SASH1: variants seen among roughly 807,000 people sequenced by gnomAD.
SASH1 encodes the protein SAM and SH3 domain-containing protein 1.
In SASH1, 44 loss-of-function variants were observed where a neutral mutation model predicts 125.2. The observed-to-expected ratio is 0.35, with a 90% CI of 0.28 to 0.45. The LOEUF is 0.45. Ranked by LOEUF, SASH1 falls within the 20% of genes least tolerant of loss-of-function variation. The probability of loss-of-function intolerance (pLI) is 1.00; values close to 1 mark genes in which losing one functional copy is unlikely to be tolerated. For synonymous variants in SASH1, 639 were observed against 649.1 expected (o/e 0.98, Z 0.24); for missense variants, 1,426 against 1,614.5 (o/e 0.88, Z 2.00).
chr6:148,387,894 G>A (rs1273004475), intron 1 of SASH1, among the ~76,000 whole-genome samples: 1 of 137,442 alleles, frequency 7.3e-6, no homozygotes, highest in Admixed American at 7.7e-5. Flanking sequence ...GCCCACTAAT[G>A]CGCCCTGCTA....
At chr6:148,287,352 T>C (rs1352871056) in intron 1 of SASH1, among the ~76,000 whole-genome samples, 1 of 152,162 alleles carries the variant, frequency 6.6e-6, no homozygotes, top group Non-Finnish European at 1.5e-5. Context: ...TCTATCGGCA[T>C]GTTAACATTT....
At chr6:148,193,670 C>A in the SASH1 span, among the ~76,000 whole-genome samples, 3 of 152,136 alleles carry the variant, frequency 2.0e-5, no homozygotes, top group Non-Finnish European at 4.4e-5. Context: ...TCATGCTGGG[C>A]ATTTTCCTTG....
At chr6:148,283,670 AGG>A (rs897371249) in intron 1 of SASH1, among the ~76,000 whole-genome samples, 4 of 152,090 alleles carry the variant, frequency 2.6e-5, no homozygotes, top group African/African-American at 9.7e-5. Context: ...GCTATTTGGG[AGG>A]CTGAGGCAGG....
the SASH1 span, among the ~76,000 whole-genome samples, chr6:148,239,358 A>T: frequency 6.6e-6 from 1 of 152,162 alleles, no homozygotes; most frequent in African/African-American, 2.4e-5. Context: ...GTTTTTCTAG[A>T]GGGAGTGTTG....
chr6:148,537,370 C>T (rs1276278719), intron 16 of SASH1, among the ~76,000 whole-genome samples: 1 of 152,208 alleles, frequency 6.6e-6, no homozygotes, highest in South Asian at 2.1e-4. Context: ...CCCAGACCCA[C>T]TATCTTAGGT....
In SASH1 at chr6:148,532,749, G is replaced by A. The variant is rs541594366; in HGVS notation, c.1565-48G>A. On this transcript the variant is annotated intron_variant, in intron 13 of 19. Coordinates refer to ENST00000367467, the MANE Select transcript of SASH1 (RefSeq NM_015278.5). This position sits in a 1 kb window ranked among gnomAD's most constrained non-coding sequence, Gnocchi z 4.7. ...CCTTCAATACCTTTCTGCTTTGCTG[G>A]GTGGGAAATCTGGATCTACCCGTGT... 6.2e-7 allele frequency: 1 copy of A among 1,603,078 alleles called. No homozygotes were observed. Among genetic ancestry groups the A allele is most frequent in the Non-Finnish European group, 8.5e-7 (1 of 1,172,438 alleles).
intron 19 of SASH1, among the ~76,000 whole-genome samples, chr6:148,546,805 C>T (rs890554739): frequency 5.9e-5 from 9 of 152,016 alleles, no homozygotes; most frequent in Middle Eastern, 3.4e-3. Flanking sequence ...TCTGCACATG[C>T]GTAATGTATG....
chr6:148,302,588 G>A (rs1034782989), intron 1 of SASH1, among the ~76,000 whole-genome samples: 1 of 69,334 alleles, frequency 1.4e-5, no homozygotes, highest in East Asian at 4.0e-4. Context: ...CAGAAATTAT[G>A]CACACATACA....
intron 2 of SASH1, among the ~76,000 whole-genome samples, chr6:148,414,461 C>G (rs1236545351): frequency 6.6e-6 from 1 of 152,086 alleles, no homozygotes; most frequent in Non-Finnish European, 1.5e-5. Context: ...TCTCTCTGAG[C>G]TTCAGGTTCT....
intron 17 of SASH1, among the ~76,000 whole-genome samples, 183 bp from the exon 18 acceptor site, chr6:148,543,497 T>TA (rs1184605637): frequency 6.6e-6 from 1 of 152,168 alleles, no homozygotes; most frequent in Non-Finnish European, 1.5e-5. Flanking sequence ...TTTCTAAAAA[T>TA]AAAAATGGAA....
At chr6:148,302,009 C>T (rs187395401) in intron 1 of SASH1, among the ~76,000 whole-genome samples, 34 of 151,844 alleles carry the variant, frequency 2.2e-4, no homozygotes, top group Middle Eastern at 6.8e-3. Flanking sequence ...TCATCATTTA[C>T]AAGACCCTTA....
At chr6:148,260,096 A>G in the SASH1 span, among the ~76,000 whole-genome samples, 11 of 152,304 alleles carry the variant, frequency 7.2e-5, no homozygotes, top group Non-Finnish European at 1.3e-4. Context: ...TTATTTCAGA[A>G]CAAAATGGCA....
At position 148,404,144 on chromosome 6, in the gene SASH1, C is replaced by T. The variant is rs369642268; in HGVS notation, c.285+13882C>T. On this transcript the variant is annotated intron_variant, in intron 2 of 19. Coordinates refer to ENST00000367467, the MANE Select transcript of SASH1 (RefSeq NM_015278.5). ...CTCATAAAGTGAGGCTTTCTTATTA[C>T]ACTCTTGGGTTTTAAAAATAAGCAT... Among the ~76,000 whole-genome samples, 28 of 152,258 alleles carry T rather than the reference C, an allele frequency of 1.8e-4. No homozygotes were observed. The East Asian group carries it at 5.0e-3, about 27-fold the overall frequency.
Position 148,403,662 on chromosome 6 carries a change from G to C in SASH1, c.285+13400G>C, listed in dbSNP as rs924573281. Among the ~76,000 whole-genome samples the C allele has an allele frequency of 1.6e-4, 24 of 152,220 alleles. No homozygotes were observed. In the South Asian group the frequency reaches 4.8e-3, roughly 30 times the overall value. ...TCTCCCTGCCTCAGCCTCCTAAGTA[G>C]CTGGGATTCCAGGTGCCTGCCACCA... On this transcript the variant is annotated intron_variant, in intron 2 of 19. Transcript: ENST00000367467.
Position 148,322,529 on chromosome 6 carries a change from A to C in SASH1, n.74+50152A>C, listed in dbSNP as rs186429709. 3.0e-3 allele frequency among the ~76,000 whole-genome samples: 452 copies of C among 152,278 alleles called. 3 individuals are homozygous for C. Among genetic ancestry groups the C allele is most frequent in the African/African-American group, 0.011 (437 of 41,560 alleles). On this transcript the variant is annotated intron_variant and non_coding_transcript_variant, in intron 1 of 3. Transcript: ENST00000367469. Reference sequence around the variant, plus strand: ...TCCCAGTCATCCTTCAGTCCGTTGCAATCCAGTTTCTACTCCTTCCCCTGA... The same window carrying C: ...TCCCAGTCATCCTTCAGTCCGTTGCCATCCAGTTTCTACTCCTTCCCCTGA...
intron 7 of SASH1, among the ~76,000 whole-genome samples, chr6:148,474,569 A>T (rs1055748933): frequency 6.6e-6 from 1 of 152,168 alleles, no homozygotes; most frequent in African/African-American, 2.4e-5. Flanking sequence ...CATTGTAAAC[A>T]TCAGGATTTT....
chr6:148,468,826 A>T, intron 5 of SASH1: 1 of 385,766 alleles, frequency 2.6e-6, no homozygotes. Context: ...TTTTCCCATG[A>T]CTGAATATTC....
chr6:148,514,136 T>C, intron 8 of SASH1, 188 bp from the exon 9 acceptor site: 1 of 1,367,332 alleles, frequency 7.3e-7, no homozygotes, highest in Middle Eastern at 2.7e-4. Flanking sequence ...GACCTAATTC[T>C]ACGCCGATTT....
chr6:148,390,166 G>A lies in SASH1; in HGVS notation c.189G>A (p.Ala63=), dbSNP rs117157370. 1.4e-4 allele frequency: 224 copies of A among 1,613,594 alleles called. No individual in the cohort carries two copies. The highest frequency in any genetic ancestry group is 1.8e-4 in the Non-Finnish European group (207 of 1,179,784). ...CACTGGGAAACATCGATGACCTGGC[G>A]CAGCAGTATGCAGATTATTACAACA... ...DGSLGNIDDL[A]QQYADYYNTC... is the part of the protein sequence containing the mutation. The change falls in exon 2 of 20, where the codon GCG becomes GCA. Residue 63 remains alanine (A), a synonymous_variant. Coordinates refer to ENST00000367467, the MANE Select transcript of SASH1 (RefSeq NM_015278.5).
Sources: gnomAD v4.1 joint callset for allele counts (sites outside exome capture counted in the v4.1 genomes callset) on GRCh38, gnomAD v4.1.1 for gene constraint, Gnocchi (gnomAD v3.1) non-coding constraint, MANE v1.5 for transcripts, NCBI Gene and HGNC (gene_info 2026-07-23, HGNC 2026-07-21) for gene names.